The following ADAM12 variants were observed in gnomAD, a reference collection of about 807,000 sequenced individuals.
The protein encoded by ADAM12 is ADAM metallopeptidase domain 12, also known as disintegrin and metalloproteinase domain-containing protein 12.
In ADAM12, 70 loss-of-function variants were observed where a neutral mutation model predicts 106.4. The observed-to-expected ratio is 0.66, with a 90% CI of 0.54 to 0.80. The LOEUF (loss-of-function observed/expected upper bound fraction) is 0.80. Among genes scored for constraint, ADAM12 ranks in the 30% least tolerant of loss-of-function variants. ADAM12 has a pLI of 0.00. For synonymous variants in ADAM12, 420 were observed against 433.5 expected (o/e 0.97, Z 0.39); for missense variants, 1,010 against 1,171.9 (o/e 0.86, Z 2.02).
chr10:126,118,335 C>G, intron 5 of ADAM12, 111 bp from the exon 6 acceptor site: 1 of 740,794 alleles, frequency 1.3e-6, no homozygotes, highest in Non-Finnish European at 2.1e-6. Context: ...CACCAATTTA[C>G]TTATATTCTC....
chr10:126,353,570 C>A (rs192489718), intron 1 of ADAM12, among the ~76,000 whole-genome samples: 5 of 152,292 alleles, frequency 3.3e-5, no homozygotes, highest in African/African-American at 9.6e-5. Context: ...ATTAGTTTAT[C>A]ATTTTTTCCA....
intron 3 of ADAM12, among the ~76,000 whole-genome samples, chr10:126,202,157 C>CCCATGTG (rs1478813590): frequency 6.6e-6 from 1 of 152,118 alleles, no homozygotes; most frequent in Non-Finnish European, 1.5e-5. Flanking sequence ...GGAGATCCAC[C>CCCATGTG]CCATGTGGGG....
At position 126,066,610 on chromosome 10, in the gene ADAM12, G is replaced by T; in HGVS notation, c.1413+107C>A. 2 of 1,027,828 alleles carry T rather than the reference G, an allele frequency of 1.9e-6. No individual in the cohort carries two copies. Among genetic ancestry groups the T allele is most frequent in the Non-Finnish European group, 3.0e-6 (2 of 663,156 alleles). 63.7% of individuals were successfully genotyped at this position (1,027,828 alleles called of 1,614,324 possible). On this transcript the variant is annotated intron_variant, in intron 13 of 22. Transcript: ENST00000448723. The surrounding 1 kb of genome is among the most constrained non-coding windows in gnomAD (Gnocchi z 5.1). ...GAGAAGGAGGGATGGTGCGTGCTGT[G>T]GTGAGTGCTGGGAAACCTTCCAGCC... is the stretch of plus-strand genomic sequence containing the variant.
chr10:126,166,480 C>T (rs1957025565), intron 3 of ADAM12, among the ~76,000 whole-genome samples: 1 of 150,098 alleles, frequency 6.7e-6, no homozygotes, highest in African/African-American at 2.4e-5. Context: ...CATACCATTT[C>T]AGGCAGGTTT....
At chr10:126,160,190 A>G (rs1179793567) in intron 3 of ADAM12, among the ~76,000 whole-genome samples, 1 of 152,202 alleles carries the variant, frequency 6.6e-6, no homozygotes, top group Non-Finnish European at 1.5e-5. Flanking sequence ...AGCATACAAC[A>G]GAGTCTTGCA....
chr10:126,311,900 CA>C (rs1481507264), intron 2 of ADAM12, among the ~76,000 whole-genome samples: 2 of 152,072 alleles, frequency 1.3e-5, no homozygotes, highest in African/African-American at 4.8e-5. Flanking sequence ...GTCATTATAG[CA>C]AATTATTGAG....
intron 5 of ADAM12, among the ~76,000 whole-genome samples, chr10:126,120,146 T>C (rs1956058835): frequency 6.6e-6 from 1 of 152,184 alleles, no homozygotes; most frequent in Non-Finnish European, 1.5e-5. Flanking sequence ...CTCCTTAGAC[T>C]CTTCCTAGAA....
chr10:126,298,146 C>G (rs536330080), intron 2 of ADAM12, among the ~76,000 whole-genome samples: 91 of 151,958 alleles, frequency 6.0e-4, no homozygotes, highest in African/African-American at 2.1e-3. Flanking sequence ...TGTCTTTAAG[C>G]TGCCCATATA....
intron 11 of ADAM12, among the ~76,000 whole-genome samples, chr10:126,084,238 AC>A (rs1364140849): frequency 6.6e-6 from 1 of 152,174 alleles, no homozygotes; most frequent in African/African-American, 2.4e-5. Flanking sequence ...TCTGGACGTT[AC>A]CAGAAAGTGG....
At chr10:126,381,944 C>T (rs1192075482) in intron 1 of ADAM12, among the ~76,000 whole-genome samples, 2 of 149,732 alleles carry the variant, frequency 1.3e-5, no homozygotes, top group African/African-American at 4.9e-5. Flanking sequence ...CACTGTACAT[C>T]AGCCTGGGTG....
At chr10:126,023,387 G>C (rs1953807196) in intron 21 of ADAM12, among the ~76,000 whole-genome samples, 1 of 152,092 alleles carries the variant, frequency 6.6e-6, no homozygotes, top group South Asian at 2.1e-4. Context: ...AAGTCTAAGT[G>C]AAAGCAGCAG....
chr10:126,168,828 G>A (rs1019778351), intron 3 of ADAM12, among the ~76,000 whole-genome samples: 11 of 152,064 alleles, frequency 7.2e-5, no homozygotes, highest in African/African-American at 1.9e-4. Context: ...TGAGGCGGGC[G>A]GATCACTTGA....
chr10:126,387,101 T>C (rs2133944599), intron 1 of ADAM12, among the ~76,000 whole-genome samples: 1 of 152,284 alleles, frequency 6.6e-6, no homozygotes, highest in South Asian at 2.1e-4. Flanking sequence ...AATAAATGCC[T>C]GTTATATAGA....
At chr10:126,171,335 G>A (rs1307051102) in intron 3 of ADAM12, among the ~76,000 whole-genome samples, 1 of 152,144 alleles carries the variant, frequency 6.6e-6, no homozygotes, top group Admixed American at 6.5e-5. Flanking sequence ...GAAAAATAGA[G>A]ATCTTTAATA....
chr10:126,126,257 C>A (rs894892003), intron 5 of ADAM12, among the ~76,000 whole-genome samples: 1 of 152,048 alleles, frequency 6.6e-6, no homozygotes, highest in Non-Finnish European at 1.5e-5. Flanking sequence ...CTGGGGATGA[C>A]CTTCGAGGCT....
rs969749460 is a variant in ADAM12 at position 126,190,084 on chromosome 10, G to A, written c.261-34779C>T. ...CGATGGCAGGCAGTCACTAAGGACC[G>A]GGGCCAGGCTTCCCCACCTGTTGAG... On this transcript the variant is annotated intron_variant, in intron 3 of 22. Transcript: ENST00000448723. 4.6e-5 allele frequency among the ~76,000 whole-genome samples: 7 copies of A among 152,116 alleles called. No individual in the cohort carries two copies. In the East Asian group the frequency reaches 5.8e-4, roughly 13 times the overall value.
chr10:126,116,895 T>C (rs945517689), intron 6 of ADAM12, among the ~76,000 whole-genome samples: 6 of 152,046 alleles, frequency 3.9e-5, no homozygotes, highest in Non-Finnish European at 7.4e-5. Flanking sequence ...ACTAGAAAAA[T>C]GATTTAGAAT....
At chr10:126,098,353 A>G in intron 10 of ADAM12, 63 bp downstream of exon 10, 1 of 1,359,326 alleles carries the variant, frequency 7.4e-7, no homozygotes, top group Non-Finnish European at 1.0e-6. Context: ...AAGTCTGATA[A>G]AAGTAGTGAC....
intron 1 of ADAM12, among the ~76,000 whole-genome samples, chr10:126,375,049 A>C (rs2133925676): frequency 6.6e-6 from 1 of 152,314 alleles, no homozygotes; most frequent in African/African-American, 2.4e-5. Context: ...AGGATACAAC[A>C]GGTAATATCT....
Sources: gnomAD v4.1 joint callset for allele counts (sites outside exome capture counted in the v4.1 genomes callset) on GRCh38, gnomAD v4.1.1 for gene constraint, Gnocchi (gnomAD v3.1) non-coding constraint, MANE v1.5 for transcripts, NCBI Gene and HGNC (gene_info 2026-07-23, HGNC 2026-07-21) for gene names.